Variants in PODXL2 observed in about 807,000 individuals in gnomAD.
PODXL2 encodes the protein podocalyxin like 2.
A neutral mutation model predicts 53.4 loss-of-function variants in PODXL2; 17 were observed. The observed-to-expected ratio is 0.32, with a 90% CI of 0.22 to 0.48. The LOEUF is 0.48. PODXL2 is among the 20% of genes least tolerant of loss of function. PODXL2 has a pLI of 0.99. For synonymous variants in PODXL2, 311 were observed against 306.7 expected (o/e 1.01, Z -0.15); for missense variants, 673 against 760.0 (o/e 0.89, Z 1.35).
intron 2 of PODXL2, among the ~76,000 whole-genome samples, chr3:127,659,335 A>C (rs1366954362): frequency 6.6e-6 from 1 of 152,030 alleles, no homozygotes; most frequent in Admixed American, 6.6e-5. Flanking sequence ...TCTGCTTTCC[A>C]TGTTCCCAGA....
At chr3:127,665,754 G>A (rs1214732516) in intron 4 of PODXL2, among the ~76,000 whole-genome samples, 1 of 152,228 alleles carries the variant, frequency 6.6e-6, no homozygotes, top group East Asian at 1.9e-4. Context: ...TAAAGAAGCA[G>A]CGTTGACACA....
chr3:127,632,876 A>G (rs902897270), intron 1 of PODXL2, among the ~76,000 whole-genome samples: 1 of 152,236 alleles, frequency 6.6e-6, no homozygotes, highest in Non-Finnish European at 1.5e-5. Flanking sequence ...TCGAGAGTCT[A>G]ATAGAAATTT....
intron 2 of PODXL2, among the ~76,000 whole-genome samples, chr3:127,657,800 A>C (rs1000002380): frequency 6.6e-6 from 1 of 152,182 alleles, no homozygotes; most frequent in Non-Finnish European, 1.5e-5. Context: ...TTCATGCATT[A>C]TATCTTAATT....
At chr3:127,653,664 AAG>A (rs200529246) in intron 2 of PODXL2, among the ~76,000 whole-genome samples, 1 of 151,338 alleles carries the variant, frequency 6.6e-6, no homozygotes, top group Non-Finnish European at 1.5e-5. Flanking sequence ...AAAAAAAAAA[AAG>A]AGAGAAAGTG....
chr3:127,668,196 CTT>C (rs1166304033), intron 4 of PODXL2, among the ~76,000 whole-genome samples: 1 of 152,124 alleles, frequency 6.6e-6, no homozygotes, highest in Non-Finnish European at 1.5e-5. Context: ...GGCCCCTTGA[CTT>C]TCTCATGGCT....
chr3:127,632,863 TA>T (rs2074555449), intron 1 of PODXL2, among the ~76,000 whole-genome samples: 1 of 152,212 alleles, frequency 6.6e-6, no homozygotes, highest in Non-Finnish European at 1.5e-5. Flanking sequence ...TTTTTCTTTG[TA>T]ATCGAGAGTC....
chr3:127,656,092 T>C (rs1261913095), intron 2 of PODXL2, among the ~76,000 whole-genome samples: 3 of 152,270 alleles, frequency 2.0e-5, no homozygotes, highest in African/African-American at 7.2e-5. Context: ...GCTGGGAATG[T>C]AGGGATGAAG....
rs76958748 is a variant in PODXL2 at position 127,672,419 on chromosome 3, T to C, written c.1757T>C (p.Leu586Pro). The C allele has an allele frequency of 1.3e-6, 2 of 1,541,692 alleles. No homozygotes were observed. Among genetic ancestry groups the C allele is most frequent in the Non-Finnish European group, 8.7e-7 (1 of 1,145,558 alleles). The change falls in exon 8 of 8, where the codon CTC becomes CCC. Residue 586 changes from leucine to proline, a missense_variant. Physicochemically the swap from Leu to Pro is moderately conservative, Grantham distance 98 (BLOSUM62 -3). Transcript: ENST00000342480. ...ALNGPGSWGALMGGKRDPEDS... is the reference protein window; with the variant it reads ...ALNGPGSWGAPMGGKRDPEDS... The stretch of plus-strand genomic sequence containing the variant: ...AACGGCCCGGGGAGCTGGGGGGCGC[T>C]CATGGGGGGCAAGCGGGACCCCGAG...
chr3:127,664,925 TTA>T (rs1484821009), intron 4 of PODXL2, among the ~76,000 whole-genome samples: 1 of 152,192 alleles, frequency 6.6e-6, no homozygotes, highest in Non-Finnish European at 1.5e-5. Flanking sequence ...TCACCACTTG[TTA>T]GAATTTTTTC....
At chr3:127,663,222 T>C (rs1186215742) in intron 4 of PODXL2, among the ~76,000 whole-genome samples, 1 of 152,242 alleles carries the variant, frequency 6.6e-6, no homozygotes, top group African/African-American at 2.4e-5. Context: ...TAGTAGCATT[T>C]TCATCCCCTC....
At chr3:127,672,239 G>C in intron 7 of PODXL2, 29 bp from the exon 8 acceptor site, 3 of 1,529,278 alleles carry the variant, frequency 2.0e-6, no homozygotes, top group Non-Finnish European at 2.6e-6. Flanking sequence ...TGGCTCGCTC[G>C]CCCATGGCCT....
chr3:127,657,436 A>G (rs373163368), intron 2 of PODXL2, among the ~76,000 whole-genome samples: 150 of 152,280 alleles, frequency 9.9e-4, no homozygotes, highest in African/African-American at 3.4e-3. Flanking sequence ...CACCATCTCT[A>G]TTAATGGCTT....
chr3:127,641,970 A>G (rs994773434), intron 2 of PODXL2, among the ~76,000 whole-genome samples: 27 of 151,768 alleles, frequency 1.8e-4, no homozygotes, highest in African/African-American at 6.0e-4. Context: ...TCCTTAGGAT[A>G]AATTTCTAGA....
At position 127,668,503 on chromosome 3, in the gene PODXL2, C is replaced by T; in HGVS notation, c.1269C>T (p.Arg423=). The T allele has an allele frequency of 6.4e-7, 1 of 1,573,744 alleles. No individual in the cohort carries two copies. The highest frequency in any genetic ancestry group is 8.6e-7 in the Non-Finnish European group (1 of 1,160,410). ...CCCTGGTGGAAGAGGTGCTGCCCCGCCATGGCAGTGGCCACCATGGGGCCT... is the reference window on the plus strand; with the variant it reads ...CCCTGGTGGAAGAGGTGCTGCCCCGTCATGGCAGTGGCCACCATGGGGCCT... ...LLALVEEVLP[R]HGSGHHGAWH... Residue 423 remains arginine, a synonymous_variant, in exon 5 of 8, where the codon CGC becomes CGT. Transcript: ENST00000342480.
intron 2 of PODXL2, among the ~76,000 whole-genome samples, chr3:127,647,643 T>C (rs2074664675): frequency 6.6e-6 from 1 of 152,222 alleles, no homozygotes; most frequent in African/African-American, 2.4e-5. Flanking sequence ...GAGCCTGCCC[T>C]GTCCCATCAG....
rs2074760249 is a variant in PODXL2, at chr3:127,660,688, C to T, written c.660C>T (p.Ser220=). 1 of 1,614,220 alleles carries T rather than the reference C, an allele frequency of 6.2e-7. No individual in the cohort carries two copies. Among genetic ancestry groups the T allele is most frequent in the Non-Finnish European group, 8.5e-7 (1 of 1,180,040 alleles). Reference sequence around the variant, plus strand: ...GCCAGACCCCAGGGGCCACCAAAAGCAGGCATGAAGACTCCGGGGACCAGG... The same window carrying T: ...GCCAGACCCCAGGGGCCACCAAAAGTAGGCATGAAGACTCCGGGGACCAGG... ...SSSQTPGATK[S]RHEDSGDQAS... Residue 220 remains serine (S), a synonymous_variant, in exon 3 of 8, where the codon AGC becomes AGT. Coordinates refer to ENST00000342480, the MANE Select transcript of PODXL2 (RefSeq NM_015720.4).
intron 2 of PODXL2, among the ~76,000 whole-genome samples, chr3:127,649,179 C>T (rs1273942915): frequency 1.3e-5 from 2 of 151,968 alleles, no homozygotes; most frequent in Non-Finnish European, 2.9e-5. Context: ...CTGTGGTATA[C>T]ACATCTTGCT....
intron 1 of PODXL2, among the ~76,000 whole-genome samples, chr3:127,636,738 A>T (rs1334481051): frequency 6.6e-6 from 1 of 152,232 alleles, no homozygotes; most frequent in African/African-American, 2.4e-5. Context: ...ATCCCCTGTG[A>T]GCAGTCCTCA....
rs76681218 is a variant in PODXL2 at position 127,652,778 on chromosome 3, T to C, written c.350-7600T>C. Among the ~76,000 whole-genome samples the C allele has an allele frequency of 3.7e-3, 558 of 152,276 alleles. 5 individuals are homozygous for C. The highest frequency in any genetic ancestry group is 0.019 in the South Asian group (90 of 4,824). ...TTGGCTACAAACTAAAAGGGCTTCG[T>C]GGAGGGACCCTTCTCCTGAGCCTGA... On this transcript the variant is annotated intron_variant, in intron 2 of 7. Coordinates refer to ENST00000342480, the MANE Select transcript of PODXL2 (RefSeq NM_015720.4).
Sources: allele counts gnomAD v4.1 joint callset (sites outside exome capture counted in the v4.1 genomes callset), GRCh38; gene constraint gnomAD v4.1.1; transcripts MANE v1.5; gene names NCBI Gene and HGNC (gene_info 2026-07-23, HGNC 2026-07-21).